The following PRKG1 variants were observed in gnomAD, a reference collection of about 807,000 sequenced individuals.
PRKG1 encodes the protein cGMP-dependent protein kinase 1.
Under a neutral mutation model 88.1 loss-of-function variants are expected in PRKG1, and 35 were observed. The observed-to-expected ratio is 0.40, with a 90% CI of 0.30 to 0.53. PRKG1 has a LOEUF of 0.53. Among genes scored for constraint, PRKG1 ranks in the 20% least tolerant of loss-of-function variants. The probability of loss-of-function intolerance (pLI) is 0.59; values close to 1 mark genes in which losing one functional copy is unlikely to be tolerated. For missense variants in PRKG1, 540 were observed against 839.8 expected, an observed-to-expected ratio of 0.64 and a Z score of 4.41; for synonymous variants, 303 against 292.5, an observed-to-expected ratio of 1.04 and a Z score of -0.37.
chr10:51,504,950 G>A (rs1183005906), intron 3 of PRKG1, among the ~76,000 whole-genome samples: 4 of 152,038 alleles, frequency 2.6e-5, no homozygotes, highest in African/African-American at 9.7e-5. Context: ...TTTCCTAATT[G>A]AATACCCTTT....
chr10:52,098,817 G>A (rs926059139), intron 7 of PRKG1, among the ~76,000 whole-genome samples: 1 of 152,166 alleles, frequency 6.6e-6, no homozygotes, highest in East Asian at 1.9e-4. Flanking sequence ...AAAGTGAGTG[G>A]TTATGATGAG....
chr10:51,064,695 A>T (rs748816570), intron 1 of PRKG1, among the ~76,000 whole-genome samples: 1 of 152,058 alleles, frequency 6.6e-6, no homozygotes. Context: ...CATCTACCTG[A>T]GAAATTTTCT....
At chr10:52,129,172 G>T (rs1837187711) in intron 7 of PRKG1, among the ~76,000 whole-genome samples, 1 of 152,136 alleles carries the variant, frequency 6.6e-6, no homozygotes, top group African/African-American at 2.4e-5. Flanking sequence ...GACGTGAAAT[G>T]CCCGCTAACT....
chr10:51,550,345 A>G (rs761524083), intron 3 of PRKG1, among the ~76,000 whole-genome samples: 8 of 152,102 alleles, frequency 5.3e-5, no homozygotes, highest in African/African-American at 1.7e-4. Context: ...AGCTAATGCT[A>G]TACTTTGTCT....
At chr10:51,572,060 A>G (rs1006203358) in intron 3 of PRKG1, among the ~76,000 whole-genome samples, 6 of 151,952 alleles carry the variant, frequency 3.9e-5, no homozygotes, top group African/African-American at 1.4e-4. Flanking sequence ...GGCAGTATAA[A>G]GCAATTTGTA....
At chr10:51,408,486 A>T (rs980131322) in intron 2 of PRKG1, among the ~76,000 whole-genome samples, 2 of 152,198 alleles carry the variant, frequency 1.3e-5, no homozygotes, top group Non-Finnish European at 2.9e-5. Context: ...AGGACAGGCA[A>T]ACCCATGCCT....
intron 7 of PRKG1, among the ~76,000 whole-genome samples, chr10:52,116,578 G>A (rs371801505): frequency 6.6e-6 from 1 of 151,962 alleles, no homozygotes; most frequent in African/African-American, 2.4e-5. Flanking sequence ...CTTACTCACT[G>A]TGAAGAGATG....
intron 4 of PRKG1, among the ~76,000 whole-genome samples, chr10:51,831,922 T>C (rs1268784031): frequency 6.6e-6 from 1 of 151,134 alleles, no homozygotes; most frequent in African/African-American, 2.5e-5. Context: ...GAATTCTCTC[T>C]AGTTGGTGGG....
chr10:51,391,968 C>A (rs79125561), intron 2 of PRKG1, among the ~76,000 whole-genome samples: 1 of 152,020 alleles, frequency 6.6e-6, no homozygotes, highest in African/African-American at 2.4e-5. Flanking sequence ...TTCCTCAAAC[C>A]GATTATATGA....
At chr10:51,807,163 G>C (rs1839328565) in intron 4 of PRKG1, among the ~76,000 whole-genome samples, 1 of 152,148 alleles carries the variant, frequency 6.6e-6, no homozygotes, top group Non-Finnish European at 1.5e-5. Flanking sequence ...TTACTGCTTT[G>C]TAGATAGGCA....
intron 3 of PRKG1, among the ~76,000 whole-genome samples, chr10:51,611,394 CAT>C (rs1256072058): frequency 2.0e-5 from 3 of 151,754 alleles, no homozygotes; most frequent in Non-Finnish European, 4.4e-5. Flanking sequence ...AGCATTTTTT[CAT>C]ATGTCTGTTG....
chr10:52,026,566 G>C (rs1007796249), intron 5 of PRKG1, among the ~76,000 whole-genome samples: 4 of 152,226 alleles, frequency 2.6e-5, no homozygotes, highest in African/African-American at 9.6e-5. Flanking sequence ...GGCAGAATGG[G>C]GAGTGATTAC....
intron 1 of PRKG1, among the ~76,000 whole-genome samples, chr10:50,995,571 CA>C (rs1842829096): frequency 6.6e-6 from 1 of 152,130 alleles, no homozygotes; most frequent in Non-Finnish European, 1.5e-5. Context: ...CAAAGAACTC[CA>C]AGTGTTTTAC....
At chr10:51,052,241 A>G (rs1418322120) in intron 1 of PRKG1, among the ~76,000 whole-genome samples, 7 of 152,186 alleles carry the variant, frequency 4.6e-5, no homozygotes, top group Non-Finnish European at 1.0e-4. Context: ...TTTATGCACC[A>G]AAGGGAGTAA....
At chr10:51,078,868 G>A (rs1230015777) in intron 1 of PRKG1, among the ~76,000 whole-genome samples, 14 of 151,858 alleles carry the variant, frequency 9.2e-5, no homozygotes, top group Admixed American at 9.2e-4. Flanking sequence ...CGCCTGCCTT[G>A]GCCTCCCAAA....
chr10:52,050,138 C>T (rs917800098), intron 5 of PRKG1, among the ~76,000 whole-genome samples: 1 of 151,860 alleles, frequency 6.6e-6, no homozygotes, highest in African/African-American at 2.4e-5. Context: ...TAGGATATAA[C>T]TAGGGAAGCA....
At chr10:51,887,239 C>T (rs1200119073) in intron 4 of PRKG1, among the ~76,000 whole-genome samples, 1 of 152,148 alleles carries the variant, frequency 6.6e-6, no homozygotes, top group Non-Finnish European at 1.5e-5. Context: ...CCTGTCTCAG[C>T]CTCCCAAAGT....
intron 3 of PRKG1, among the ~76,000 whole-genome samples, chr10:51,473,065 C>G (rs2132826434): frequency 6.6e-6 from 1 of 152,022 alleles, no homozygotes; most frequent in Non-Finnish European, 1.5e-5. Flanking sequence ...ATTTTGGCAG[C>G]ATCTTGGGGA....
intron 5 of PRKG1, among the ~76,000 whole-genome samples, chr10:52,050,378 T>C (rs1378695959): frequency 6.6e-6 from 1 of 152,198 alleles, no homozygotes; most frequent in Non-Finnish European, 1.5e-5. Context: ...AGATTTCTTC[T>C]TACTCTAAAT....
Sources: allele counts gnomAD v4.1 joint callset (sites outside exome capture counted in the v4.1 genomes callset), GRCh38; gene constraint gnomAD v4.1.1; transcripts MANE v1.5; gene names NCBI Gene and HGNC (gene_info 2026-07-23, HGNC 2026-07-21).